Variants in TSPAN5 observed in about 807,000 individuals in gnomAD.
TSPAN5 encodes the protein tetraspanin 5.
Under a neutral mutation model 37.1 loss-of-function variants are expected in TSPAN5, and 10 were observed. The observed-to-expected ratio is 0.27, with a 90% CI of 0.17 to 0.46. TSPAN5 has a LOEUF of 0.46. Among genes scored for constraint, TSPAN5 ranks in the 20% least tolerant of loss-of-function variants. TSPAN5 has a pLI of 1.00. For missense variants in TSPAN5, 195 were observed against 326.6 expected (o/e 0.60, Z 3.11); for synonymous variants, 110 against 118.9 (o/e 0.93, Z 0.48).
chr4:98,491,650 T>C (rs1319693168), intron 2 of TSPAN5, among the ~76,000 whole-genome samples: 1 of 148,838 alleles, frequency 6.7e-6, no homozygotes, highest in East Asian at 2.0e-4. Flanking sequence ...ATTGAGCCAC[T>C]GCACTCCAGC....
At chr4:98,510,724 C>G (rs141036973) in intron 1 of TSPAN5, among the ~76,000 whole-genome samples, 1 of 152,264 alleles carries the variant, frequency 6.6e-6, no homozygotes, top group Non-Finnish European at 1.5e-5. Flanking sequence ...CTGTGACTTT[C>G]CAAACAAGGG....
chr4:98,523,975 G>T (rs921748284), intron 1 of TSPAN5, among the ~76,000 whole-genome samples: 1 of 152,080 alleles, frequency 6.6e-6, no homozygotes, highest in African/African-American at 2.4e-5. Context: ...ATTGATATGA[G>T]GATCAATGAG....
At chr4:98,560,047 A>T (rs1000481772) in intron 1 of TSPAN5, 1 of 152,232 alleles carries the variant, frequency 6.6e-6, no homozygotes, top group African/African-American at 2.4e-5. Flanking sequence ...TGGAAAATGT[A>T]ATTTTTCTAA....
intron 1 of TSPAN5, among the ~76,000 whole-genome samples, chr4:98,612,740 T>C (rs572280462): frequency 6.6e-6 from 1 of 152,126 alleles, no homozygotes; most frequent in Non-Finnish European, 1.5e-5. Flanking sequence ...GTCCCAATCA[T>C]CTCAGCTCTT....
At chr4:98,619,461 A>G (rs1756429735) in intron 1 of TSPAN5, among the ~76,000 whole-genome samples, 1 of 152,204 alleles carries the variant, frequency 6.6e-6, no homozygotes, top group African/African-American at 2.4e-5. Flanking sequence ...TTTATGATAT[A>G]AGCAAATGGC....
At chr4:98,488,763 A>C (rs1485183872) in intron 2 of TSPAN5, among the ~76,000 whole-genome samples, 1 of 152,196 alleles carries the variant, frequency 6.6e-6, no homozygotes, top group Non-Finnish European at 1.5e-5. Flanking sequence ...GACAAAATCC[A>C]AGCAACAGGC....
chr4:98,628,662 C>T (rs557838618), intron 1 of TSPAN5, among the ~76,000 whole-genome samples: 1 of 152,294 alleles, frequency 6.6e-6, no homozygotes, highest in African/African-American at 2.4e-5. Context: ...CCACACTCCC[C>T]ATCACTCCCT....
chr4:98,583,908 G>A (rs1186443790), intron 1 of TSPAN5, among the ~76,000 whole-genome samples: 1 of 152,104 alleles, frequency 6.6e-6, no homozygotes, highest in East Asian at 1.9e-4. Context: ...AGTCAATGTA[G>A]GGTTTTGTGA....
At chr4:98,473,386 T>C (rs1015646691) in intron 7 of TSPAN5, among the ~76,000 whole-genome samples, 1 of 152,218 alleles carries the variant, frequency 6.6e-6, no homozygotes, top group Non-Finnish European at 1.5e-5. Context: ...GTATGAAATA[T>C]GTGGCTTTGA....
intron 1 of TSPAN5, among the ~76,000 whole-genome samples, chr4:98,654,806 T>C (rs988626810): frequency 8.5e-5 from 13 of 152,222 alleles, no homozygotes; most frequent in Non-Finnish European, 1.3e-4. Context: ...TACCAGGAAC[T>C]GAACAAGCCA....
At chr4:98,651,991 C>T (rs1380994580) in intron 1 of TSPAN5, among the ~76,000 whole-genome samples, 1 of 150,616 alleles carries the variant, frequency 6.6e-6, no homozygotes, top group Non-Finnish European at 1.5e-5. Context: ...GCTGGGACTA[C>T]AGGCACGCAT....
At chr4:98,606,054 A>G (rs557571426) in intron 1 of TSPAN5, among the ~76,000 whole-genome samples, 1 of 152,348 alleles carries the variant, frequency 6.6e-6, no homozygotes, top group South Asian at 2.1e-4. Context: ...GTTTCTGCAC[A>G]GCAGTAACAG....
In TSPAN5 at chr4:98,594,250, T is replaced by C. The variant is rs542051403; in HGVS notation, c.81+63896A>G. ...ATTTGGCTCTCTGTTTGTCTGTTGT[T>C]GGTGTATAAGAATGCTTGTGATTTT... is the stretch of plus-strand genomic sequence containing the variant. On this transcript the variant is annotated intron_variant, in intron 1 of 7. Transcript: ENST00000305798. 4.6e-5 allele frequency among the ~76,000 whole-genome samples: 6 copies of C among 130,642 alleles called. No individual in the cohort carries two copies. In the South Asian group the frequency reaches 1.5e-3, roughly 32 times the overall value. 85.7% of individuals were successfully genotyped at this position (130,642 alleles called of 152,430 possible).
At chr4:98,525,649 T>G (rs1234246946) in intron 1 of TSPAN5, among the ~76,000 whole-genome samples, 1 of 151,808 alleles carries the variant, frequency 6.6e-6, no homozygotes, top group Non-Finnish European at 1.5e-5. Context: ...AGATCTCGGC[T>G]CACTGCAACC....
rs561191944 is a variant in TSPAN5 at position 98,533,644 on chromosome 4, G to A, written c.82-25916C>T. On this transcript the variant is annotated intron_variant, in intron 1 of 7. Transcript: ENST00000305798. ...TGGCTCACTGCAAGCTCTGCCTCCC[G>A]GGTTCACACTATTCTCCTGCCTCAG... Among the ~76,000 whole-genome samples, 159 of 140,896 alleles carry A rather than the reference G, an allele frequency of 1.1e-3. 1 individual carries two copies. Among genetic ancestry groups the A allele is most frequent in the Admixed American group, 2.4e-3 (33 of 13,502 alleles). The allele number at this position is 140,896 out of a possible 152,430, so 92.4% of individuals were successfully genotyped here.
intron 1 of TSPAN5, among the ~76,000 whole-genome samples, chr4:98,518,893 C>T (rs1387390869): frequency 6.6e-6 from 1 of 152,224 alleles, no homozygotes; most frequent in African/African-American, 2.4e-5. Context: ...AAGGCCTGAT[C>T]AGCATAGCTG....
At chr4:98,612,896 G>A (rs777327824) in intron 1 of TSPAN5, among the ~76,000 whole-genome samples, 1 of 152,078 alleles carries the variant, frequency 6.6e-6, no homozygotes, top group Admixed American at 6.5e-5. Context: ...CGGCCTTCCC[G>A]CCCATCAAAA....
intron 1 of TSPAN5, among the ~76,000 whole-genome samples, chr4:98,592,691 G>C (rs1002197990): frequency 6.7e-6 from 1 of 148,274 alleles, no homozygotes. Flanking sequence ...GCGGTGTTTG[G>C]TTTTTTTGTT....
intron 1 of TSPAN5, among the ~76,000 whole-genome samples, chr4:98,519,682 G>C (rs1193576434): frequency 6.6e-6 from 1 of 152,226 alleles, no homozygotes; most frequent in Non-Finnish European, 1.5e-5. Flanking sequence ...AATATTTGGA[G>C]AGAAATATCA....
Sources: gnomAD v4.1 joint callset for allele counts (sites outside exome capture counted in the v4.1 genomes callset) on GRCh38, gnomAD v4.1.1 for gene constraint, MANE v1.5 for transcripts, NCBI Gene and HGNC (gene_info 2026-07-23, HGNC 2026-07-21) for gene names.